NFYA: variants seen among roughly 807,000 people sequenced by gnomAD.
NFYA encodes the protein CAAT-box DNA binding protein subunit A.
In NFYA, 28 loss-of-function variants were observed where a neutral mutation model predicts 52.8. That is an observed-to-expected ratio of 0.53 (90% CI 0.39 to 0.73). The LOEUF is 0.73. Ranked by LOEUF, NFYA falls within the 30% of genes least tolerant of loss-of-function variation. NFYA has a pLI of 0.00. For synonymous variants in NFYA, 150 were observed against 150.7 expected (o/e 1.00, Z 0.03); for missense variants, 234 against 427.0 (o/e 0.55, Z 3.98).
intron 1 of NFYA, among the ~76,000 whole-genome samples, chr6:41,076,574 T>C (rs572382021): frequency 3.9e-5 from 6 of 152,148 alleles, no homozygotes; most frequent in Admixed American, 1.3e-4. Flanking sequence ...GTCTCAGCTT[T>C]TGCACCTTGG....
At chr6:41,094,278 G>A (rs1205064143) in intron 8 of NFYA, 118 bp from the exon 9 acceptor site, 2 of 764,226 alleles carry the variant, frequency 2.6e-6, no homozygotes, top group Non-Finnish European at 4.4e-6. Context: ...AGTCATAATT[G>A]TCCCTTGTGA....
In NFYA at chr6:41,092,990, C is replaced by G; in HGVS notation, c.793C>G (p.Leu265Val). 6.2e-7 allele frequency: 1 copy of G among 1,614,106 alleles called. No homozygotes were observed. The highest frequency in any genetic ancestry group is 8.5e-7 in the Non-Finnish European group (1 of 1,180,014). The change falls in exon 8 of 10, where the codon CTC becomes GTC. Residue 265 changes from leucine to valine, a missense_variant. By Grantham distance (32) the Leu-to-Val change is conservative. Coordinates refer to ENST00000341376, the MANE Select transcript of NFYA (RefSeq NM_002505.5). The stretch of plus-strand genomic sequence containing the variant: ...AGCAGAGATGCTTGAAGAAGAGCCT[C>G]TCTACGTGAATGCCAAACAATACCA... ...PGAEMLEEEP[L>V]YVNAKQYHRI...
At chr6:41,088,614 C>T (rs979452186) in intron 4 of NFYA, among the ~76,000 whole-genome samples, 13 of 151,894 alleles carry the variant, frequency 8.6e-5, no homozygotes, top group Non-Finnish European at 1.6e-4. Context: ...GACAGTTACT[C>T]GCTCTGTTGC....
At chr6:41,082,550 T>C (rs1051895109) in intron 3 of NFYA, among the ~76,000 whole-genome samples, 17 of 152,216 alleles carry the variant, frequency 1.1e-4, no homozygotes, top group African/African-American at 3.9e-4. Flanking sequence ...GATGAATAGA[T>C]AGAAAATTAT....
intron 1 of NFYA, among the ~76,000 whole-genome samples, chr6:41,076,597 A>G (rs1200785460): frequency 6.6e-6 from 1 of 152,226 alleles, no homozygotes; most frequent in Non-Finnish European, 1.5e-5. Context: ...TAGTGGGGCA[A>G]AGAGAATTGC....
At position 41,084,281 on chromosome 6, in the gene NFYA, C is replaced by T. The variant is rs1763983830; in HGVS notation, c.309+89C>T. On this transcript the variant is annotated intron_variant, in intron 4 of 9. Transcript: ENST00000341376. ...ACAACCTATTTGATAATTGATATTG[C>T]ATTTAACTGCTTCCTAACCCACATT... is the stretch of plus-strand genomic sequence containing the variant. The T allele has an allele frequency of 1.6e-5, 22 of 1,416,190 alleles. 1 individual carries two copies. In the South Asian group the frequency reaches 2.5e-4, roughly 16 times the overall value. The allele number at this position is 1,416,190 out of a possible 1,614,324, so 87.7% of individuals were successfully genotyped here.
chr6:41,083,993 A>C (rs996264936), intron 3 of NFYA, 53 bp from the exon 4 acceptor site: 11 of 1,506,456 alleles, frequency 7.3e-6, no homozygotes, highest in Non-Finnish European at 9.8e-6. Flanking sequence ...CTTTTGGTAA[A>C]AACCATTTTG....
intron 7 of NFYA, among the ~76,000 whole-genome samples, chr6:41,092,256 G>T (rs1237244489): frequency 1.3e-5 from 2 of 152,224 alleles, no homozygotes; most frequent in Non-Finnish European, 2.9e-5. Flanking sequence ...CCCTGGCTCA[G>T]TGGCATGCAC....
At chr6:41,091,815 T>C in intron 7 of NFYA, 121 bp downstream of exon 7, 1 of 1,062,794 alleles carries the variant, frequency 9.4e-7, no homozygotes, top group South Asian at 1.6e-5. Flanking sequence ...GCACTGTCGG[T>C]AATCTACTTT....
intron 3 of NFYA, 63 bp from the exon 4 acceptor site, chr6:41,083,983 C>A: frequency 6.8e-7 from 1 of 1,473,930 alleles, no homozygotes; most frequent in South Asian, 1.4e-5. Flanking sequence ...CAGTGATTGT[C>A]TTTTGGTAAA....
intron 1 of NFYA, among the ~76,000 whole-genome samples, chr6:41,073,564 C>CCCCCGCT (rs951275554): frequency 6.6e-5 from 10 of 152,170 alleles, no homozygotes; most frequent in Admixed American, 2.0e-4. Flanking sequence ...GGGCCCGCGC[C>CCCCCGCT]CCCCGCTCCC....
intron 6 of NFYA, 123 bp downstream of exon 6, chr6:41,090,432 A>C: frequency 1.7e-6 from 1 of 587,084 alleles, no homozygotes; most frequent in Non-Finnish European, 3.1e-6. Flanking sequence ...CAAAAAAAAA[A>C]AAGATTTCCT....
intron 4 of NFYA, among the ~76,000 whole-genome samples, 171 bp from the exon 5 acceptor site, chr6:41,089,408 T>C (rs1764138351): frequency 6.6e-6 from 1 of 152,224 alleles, no homozygotes; most frequent in South Asian, 2.1e-4. Flanking sequence ...CCCTATTTGT[T>C]TCATAAATGG....
Position 41,102,101 on chromosome 6 carries a change from TG to T in NFYA, c.*4692del, listed in dbSNP as rs1201383579. On this transcript the variant is annotated 3_prime_UTR_variant, in exon 10 of 10. Transcript: ENST00000341376. ...CCCATATCTTCAGTTATTACATTAG[TG>T]ACATCGTGGAGCGTGAGTGATCATT... 6.6e-6 allele frequency: 1 copy of T among 152,200 alleles called. No homozygotes were observed. Among genetic ancestry groups the T allele is most frequent in the Non-Finnish European group, 1.5e-5 (1 of 68,054 alleles). 9.4% of individuals were successfully genotyped at this position (152,200 alleles called of 1,614,324 possible).
intron 9 of NFYA, among the ~76,000 whole-genome samples, chr6:41,095,376 T>C (rs1328442151): frequency 6.6e-6 from 1 of 152,236 alleles, no homozygotes; most frequent in Admixed American, 6.5e-5. Flanking sequence ...ATCTTTTTCA[T>C]GCATGTCTAT....
In NFYA at chr6:41,097,415, A is replaced by T; in HGVS notation, c.*5A>T. ...CAGATCATCCGAGTGTCCTAACCCC[A>T]CGCCATGTGATGGAGCTGATCAAGG... On this transcript the variant is annotated 3_prime_UTR_variant, in exon 10 of 10. Transcript: ENST00000341376. 6.2e-7 allele frequency: 1 copy of T among 1,613,794 alleles called. No individual in the cohort carries two copies. The highest frequency in any genetic ancestry group is 2.2e-5 in the East Asian group (1 of 44,850).
chr6:41,095,887 C>T (rs113295174), intron 9 of NFYA, among the ~76,000 whole-genome samples: 196 of 152,302 alleles, frequency 1.3e-3, no homozygotes, highest in Non-Finnish European at 1.7e-3. Context: ...TAAGTACTGA[C>T]TTAGATGTAT....
chr6:41,097,295 G>A, intron 9 of NFYA, 62 bp from the exon 10 acceptor site: 1 of 1,477,420 alleles, frequency 6.8e-7, no homozygotes. Flanking sequence ...TAAGTAGTGA[G>A]AGCCATGAGT....
chr6:41,090,341 T>C (rs762416812), intron 6 of NFYA, 32 bp downstream of exon 6: 1 of 1,499,652 alleles, frequency 6.7e-7, no homozygotes, highest in Non-Finnish European at 9.3e-7. Context: ...CCTAGGACTT[T>C]TTGGGGCAAC....
Sources: gnomAD v4.1 joint callset for allele counts (sites outside exome capture counted in the v4.1 genomes callset) on GRCh38, gnomAD v4.1.1 for gene constraint, MANE v1.5 for transcripts, NCBI Gene and HGNC (gene_info 2026-07-23, HGNC 2026-07-21) for gene names.